ADAMTSL1: variants seen among roughly 807,000 people sequenced by gnomAD.
ADAMTSL1 encodes the protein ADAMTS like 1, also known as ADAMTS-like protein 1.
ADAMTSL1 carries 126 observed loss-of-function variants against 201.8 expected under a neutral mutation model. That is an observed-to-expected ratio of 0.62 (90% confidence interval 0.54 to 0.72). The LOEUF (loss-of-function observed/expected upper bound fraction) is 0.72. ADAMTSL1 is among the 30% of genes least tolerant of loss of function. ADAMTSL1 has a pLI of 0.00. For missense variants in ADAMTSL1, 2,679 were observed against 2,277.8 expected (o/e 1.18, Z -3.59); for synonymous variants, 1,121 against 903.4 (o/e 1.24, Z -4.32).
chr9:18,489,003 T>C (rs1033710562), intron 1 of ADAMTSL1, among the ~76,000 whole-genome samples: 4 of 152,204 alleles, frequency 2.6e-5, no homozygotes, highest in Non-Finnish European at 5.9e-5. Context: ...TTCTCAACCC[T>C]CTTCTGCATA....
At chr9:18,681,705 G>GGGGGGGC in intron 11 of ADAMTSL1, 107 bp from the exon 12 acceptor site, 1 of 721,092 alleles carries the variant, frequency 1.4e-6, no homozygotes, top group Non-Finnish European at 2.0e-6. Flanking sequence ...TGTGGGGGGG[G>GGGGGGGC]GGGGCGGGGA....
intron 1 of ADAMTSL1, among the ~76,000 whole-genome samples, chr9:18,487,213 A>G (rs1388097428): frequency 1.3e-5 from 2 of 152,206 alleles, no homozygotes; most frequent in South Asian, 2.1e-4. Flanking sequence ...AACTCTTTAT[A>G]TTGTTTCTTT....
At chr9:18,633,726 T>G (rs1826930355) in intron 5 of ADAMTSL1, among the ~76,000 whole-genome samples, 2 of 151,220 alleles carry the variant, frequency 1.3e-5, no homozygotes, top group East Asian at 3.9e-4. Context: ...TTCTTAGCTC[T>G]CTGAAATTCA....
intron 2 of ADAMTSL1, among the ~76,000 whole-genome samples, chr9:18,532,206 T>C (rs997131356): frequency 7.9e-5 from 12 of 152,178 alleles, no homozygotes; most frequent in African/African-American, 2.9e-4. Flanking sequence ...AGTTGATTGT[T>C]TTTGTTCATA....
At chr9:18,196,837 C>T (rs563944709) in intron 2 of ADAMTSL1, among the ~76,000 whole-genome samples, 3 of 152,076 alleles carry the variant, frequency 2.0e-5, no homozygotes, top group Non-Finnish European at 4.4e-5. Context: ...CTGAATTGCT[C>T]TCTATTCCTG....
intron 16 of ADAMTSL1, among the ~76,000 whole-genome samples, chr9:18,764,959 T>G (rs1820278895): frequency 6.6e-6 from 1 of 152,222 alleles, no homozygotes; most frequent in Non-Finnish European, 1.5e-5. Context: ...CAATGAGTAA[T>G]CACTCTATAG....
intron 13 of ADAMTSL1, among the ~76,000 whole-genome samples, chr9:18,706,371 C>A (rs1399747034): frequency 6.6e-6 from 1 of 152,160 alleles, no homozygotes; most frequent in East Asian, 1.9e-4. Context: ...TTCTTTCCAG[C>A]ATCCTATTTT....
At chr9:18,355,894 C>T (rs888356458) in intron 2 of ADAMTSL1, among the ~76,000 whole-genome samples, 3 of 152,150 alleles carry the variant, frequency 2.0e-5, no homozygotes, top group African/African-American at 7.2e-5. Flanking sequence ...ACAGGATTTT[C>T]TTCTAAGTTA....
intron 2 of ADAMTSL1, among the ~76,000 whole-genome samples, chr9:18,409,383 C>CAA (rs781106126): frequency 4.0e-4 from 31 of 76,974 alleles, no homozygotes; most frequent in Admixed American, 6.2e-4. Context: ...AACTCCGTCT[C>CAA]AAAAAAAAAA....
At chr9:18,335,214 A>T (rs1008876778) in intron 2 of ADAMTSL1, among the ~76,000 whole-genome samples, 11 of 152,130 alleles carry the variant, frequency 7.2e-5, no homozygotes, top group African/African-American at 2.4e-4. Flanking sequence ...TTGTTTTTTT[A>T]AAAAATATAT....
At chr9:18,845,692 A>C (rs1259994438) in intron 23 of ADAMTSL1, among the ~76,000 whole-genome samples, 1 of 152,244 alleles carries the variant, frequency 6.6e-6, no homozygotes, top group East Asian at 1.9e-4. Flanking sequence ...GATGCAGTTC[A>C]GACATCCCTG....
chr9:18,003,775 C>T (rs897376987), intron 1 of ADAMTSL1, among the ~76,000 whole-genome samples: 13 of 152,026 alleles, frequency 8.6e-5, no homozygotes, highest in South Asian at 2.1e-4. Context: ...GATTAGGAAA[C>T]GAATGAGCCT....
intron 2 of ADAMTSL1, among the ~76,000 whole-genome samples, chr9:18,406,213 G>A (rs1211006191): frequency 6.6e-6 from 1 of 152,098 alleles, no homozygotes; most frequent in Non-Finnish European, 1.5e-5. Flanking sequence ...AGGGCCTTTG[G>A]TGAAGAATAC....
intron 16 of ADAMTSL1, among the ~76,000 whole-genome samples, chr9:18,768,846 A>G (rs1048531636): frequency 1.3e-5 from 2 of 152,146 alleles, no homozygotes; most frequent in African/African-American, 4.8e-5. Context: ...TTTCCTTTCC[A>G]TGTTTATTAC....
intron 1 of ADAMTSL1, among the ~76,000 whole-genome samples, chr9:18,103,565 C>T (rs1258972228): frequency 6.6e-6 from 1 of 152,060 alleles, no homozygotes; most frequent in East Asian, 1.9e-4. Flanking sequence ...GTGGGCAATA[C>T]AGGATGATAT....
intron 11 of ADAMTSL1, 155 bp downstream of exon 11, chr9:18,680,671 C>G: frequency 2.8e-6 from 2 of 707,920 alleles, no homozygotes; most frequent in Non-Finnish European, 4.7e-6. Flanking sequence ...TGCCCCAAAT[C>G]CAGCATGACC....
At chr9:18,428,574 G>C (rs7046957) in intron 2 of ADAMTSL1, among the ~76,000 whole-genome samples, 98,741 of 151,900 alleles carry the variant, frequency 0.65, 32,337 homozygotes, top group East Asian at 0.88. Context: ...GAGCTGTGAT[G>C]ACACCAGTGC....
intron 23 of ADAMTSL1, among the ~76,000 whole-genome samples, chr9:18,883,642 G>A (rs1202639255): frequency 6.6e-6 from 1 of 152,066 alleles, no homozygotes; most frequent in African/African-American, 2.4e-5. Context: ...GCTGCTCCAG[G>A]TACCTCATAT....
At chr9:18,554,777 A>T (rs955809611) in intron 3 of ADAMTSL1, among the ~76,000 whole-genome samples, 1 of 151,242 alleles carries the variant, frequency 6.6e-6, no homozygotes, top group East Asian at 1.9e-4. Flanking sequence ...AGAAGTTTCC[A>T]TATGTCTCTG....
Sources: gnomAD v4.1 joint callset for allele counts (sites outside exome capture counted in the v4.1 genomes callset) on GRCh38, gnomAD v4.1.1 for gene constraint, MANE v1.5 for transcripts, NCBI Gene and HGNC (gene_info 2026-07-23, HGNC 2026-07-21) for gene names.